Variants in GNA14 observed in about 807,000 individuals in gnomAD.
The protein encoded by GNA14 is guanine nucleotide-binding protein subunit alpha-14.
GNA14 carries 50 observed loss-of-function variants against 42.0 expected under a neutral mutation model. That is an observed-to-expected ratio of 1.19 (90% CI 0.95 to 1.51). The LOEUF (loss-of-function observed/expected upper bound fraction) is 1.51, where lower values mean the gene tolerates loss of function less well. GNA14 is among the 40% of genes most tolerant of loss of function. The pLI is 0.00. For synonymous variants in GNA14, 173 were observed against 163.1 expected, an observed-to-expected ratio of 1.06 and a Z score of -0.46; for missense variants, 473 against 446.2, an observed-to-expected ratio of 1.06 and a Z score of -0.54.
intron 2 of GNA14, among the ~76,000 whole-genome samples, chr9:77,455,616 C>T (rs546993534): frequency 4.6e-5 from 7 of 152,254 alleles, no homozygotes; most frequent in South Asian, 2.1e-4. Context: ...AAAGTGTCTA[C>T]GATACCTCAT....
intron 1 of GNA14, among the ~76,000 whole-genome samples, chr9:77,634,114 A>G (rs1050966746): frequency 6.6e-6 from 1 of 152,196 alleles, no homozygotes; most frequent in Admixed American, 6.5e-5. Flanking sequence ...TATAGTTACT[A>G]GGAAAAGTCT....
At chr9:77,425,432 G>A in intron 6 of GNA14, 130 bp downstream of exon 6, 1 of 615,522 alleles carries the variant, frequency 1.6e-6, no homozygotes, top group South Asian at 2.1e-5. Context: ...CTGTTTGAAG[G>A]TGGGAATAGG....
intron 2 of GNA14, among the ~76,000 whole-genome samples, chr9:77,505,005 A>C (rs1025785195): frequency 6.6e-6 from 1 of 152,228 alleles, no homozygotes; most frequent in Non-Finnish European, 1.5e-5. Context: ...TGCATCTTCC[A>C]AAGTTGAAAG....
chr9:77,628,566 G>A (rs75234517), intron 1 of GNA14, among the ~76,000 whole-genome samples: 1 of 152,030 alleles, frequency 6.6e-6, no homozygotes, highest in Admixed American at 6.6e-5. Flanking sequence ...CAGAACAGAA[G>A]CCTCAGGACT....
chr9:77,584,988 C>T (rs1823281326), intron 1 of GNA14, among the ~76,000 whole-genome samples: 1 of 152,236 alleles, frequency 6.6e-6, no homozygotes, highest in South Asian at 2.1e-4. Context: ...TTTACTGCAA[C>T]TTGTTTTATC....
chr9:77,543,643 A>G (rs995320873), intron 1 of GNA14, among the ~76,000 whole-genome samples: 2 of 152,112 alleles, frequency 1.3e-5, no homozygotes, highest in Non-Finnish European at 2.9e-5. Flanking sequence ...CCCTGAGGGG[A>G]TCACTCATTT....
chr9:77,486,313 G>C (rs1836659652), intron 2 of GNA14, among the ~76,000 whole-genome samples: 2 of 152,128 alleles, frequency 1.3e-5, no homozygotes, highest in Non-Finnish European at 2.9e-5. Context: ...TTACCTCTCA[G>C]CTTTCATAGA....
chr9:77,571,422 A>T (rs1300482241), intron 1 of GNA14, among the ~76,000 whole-genome samples: 1 of 152,222 alleles, frequency 6.6e-6, no homozygotes, highest in Non-Finnish European at 1.5e-5. Flanking sequence ...TCAATGCTCT[A>T]AGACTATGTC....
intron 2 of GNA14, among the ~76,000 whole-genome samples, chr9:77,512,479 C>T (rs539615355): frequency 1.3e-5 from 2 of 152,256 alleles, no homozygotes; most frequent in African/African-American, 4.8e-5. Flanking sequence ...AATCTCTATC[C>T]ACATTTTAAA....
At chr9:77,523,910 G>C (rs1204024644) in intron 2 of GNA14, among the ~76,000 whole-genome samples, 1 of 152,060 alleles carries the variant, frequency 6.6e-6, no homozygotes, top group African/African-American at 2.4e-5. Context: ...TTCCTTCACT[G>C]TAGGACAGGC....
intron 2 of GNA14, among the ~76,000 whole-genome samples, chr9:77,487,491 G>A (rs1467364771): frequency 8.8e-6 from 1 of 113,066 alleles, no homozygotes; most frequent in African/African-American, 3.0e-5. Context: ...GCTATCTTAT[G>A]GTATTTTTGT....
At position 77,528,907 on chromosome 9, in the gene GNA14, G is replaced by A. The variant is rs148985946; in HGVS notation, c.309+162C>T. Among the ~76,000 whole-genome samples the A allele has an allele frequency of 1.4e-3, 217 of 150,628 alleles. 1 individual carries two copies. Among genetic ancestry groups the A allele is most frequent in the African/African-American group, 5.0e-3 (200 of 40,062 alleles). On this transcript the variant is annotated intron_variant, in intron 2 of 6. Coordinates refer to ENST00000341700, the MANE Select transcript of GNA14 (RefSeq NM_004297.4). The stretch of plus-strand genomic sequence containing the variant: ...AGAGAAGTCCTGCAGAAAGAAGACC[G>A]GGGGCTAACTAAATTCCTTAAACTC...
At chr9:77,527,076 T>A (rs1264174162) in intron 2 of GNA14, among the ~76,000 whole-genome samples, 1 of 152,162 alleles carries the variant, frequency 6.6e-6, no homozygotes, top group East Asian at 1.9e-4. Flanking sequence ...TACAAACCCA[T>A]CCTTGAATTC....
intron 1 of GNA14, among the ~76,000 whole-genome samples, chr9:77,532,047 TGA>T (rs1837536970): frequency 6.6e-6 from 1 of 152,016 alleles, no homozygotes; most frequent in African/African-American, 2.4e-5. Flanking sequence ...CACCGAGGGC[TGA>T]GAGAGCAAAG....
intron 2 of GNA14, among the ~76,000 whole-genome samples, chr9:77,467,221 A>G (rs1836250942): frequency 6.6e-6 from 1 of 151,816 alleles, no homozygotes; most frequent in Non-Finnish European, 1.5e-5. Context: ...TAAAGTCCGG[A>G]TTCCTAGGAG....
rs1008122074 is a variant in GNA14, at chr9:77,608,733, T to G, written c.124+38937A>C. On this transcript the variant is annotated intron_variant, in intron 1 of 6. Coordinates refer to ENST00000341700, the MANE Select transcript of GNA14 (RefSeq NM_004297.4). ...ACAATGTACGAAGCCCAATATCCTG[T>G]TTTTTTTTTTTTTTGCTTTTTAATA... Among the ~76,000 whole-genome samples, 6 of 14,006 alleles carry G rather than the reference T, an allele frequency of 4.3e-4. No homozygotes were observed. The South Asian group carries it at 6.8e-3, about 16-fold the overall frequency. 9.2% of individuals were successfully genotyped at this position (14,006 alleles called of 152,430 possible). A position where few individuals can be genotyped will look rare whatever the true frequency, so the allele number is the denominator to read the frequency against.
At chr9:77,579,542 A>G (rs370666983) in intron 1 of GNA14, among the ~76,000 whole-genome samples, 126 of 152,264 alleles carry the variant, frequency 8.3e-4, no homozygotes, top group African/African-American at 3.0e-3. Flanking sequence ...TGCAAATTCA[A>G]AGGAAATCTT....
chr9:77,509,874 G>C (rs1277441315), intron 2 of GNA14, among the ~76,000 whole-genome samples: 2 of 152,198 alleles, frequency 1.3e-5, no homozygotes, highest in African/African-American at 2.4e-5. Flanking sequence ...GTCAACAACA[G>C]TGGGGCAAAC....
chr9:77,518,351 C>T (rs1837295040), intron 2 of GNA14, among the ~76,000 whole-genome samples: 1 of 152,124 alleles, frequency 6.6e-6, no homozygotes, highest in South Asian at 2.1e-4. Context: ...CTCCACACAT[C>T]AGTGAATCCA....
Sources: allele counts gnomAD v4.1 joint callset (sites outside exome capture counted in the v4.1 genomes callset), GRCh38; gene constraint gnomAD v4.1.1; transcripts MANE v1.5; gene names NCBI Gene and HGNC (gene_info 2026-07-23, HGNC 2026-07-21).